CREB5: variants seen among roughly 807,000 people sequenced by gnomAD.
CREB5 encodes cAMP responsive element binding protein 5, also known as cyclic AMP-responsive element-binding protein 5.
CREB5 carries 19 observed loss-of-function variants against 57.1 expected under a neutral mutation model. The ratio of observed to expected loss-of-function variants is 0.33; its 90% confidence interval spans 0.23 to 0.49. The LOEUF (loss-of-function observed/expected upper bound fraction) is 0.49. Ranked by LOEUF, CREB5 falls within the 20% of genes least tolerant of loss-of-function variation. The pLI is 0.99. For missense variants in CREB5, 579 were observed against 671.6 expected (o/e 0.86, Z 1.52); for synonymous variants, 238 against 238.3 (o/e 1.00, Z 0.01).
At chr7:28,443,720 C>T (rs1789301263) in intron 1 of CREB5, among the ~76,000 whole-genome samples, 1 of 152,154 alleles carries the variant, frequency 6.6e-6, no homozygotes, top group African/African-American at 2.4e-5. Context: ...CCACTTAACC[C>T]CTCTCCTCCT....
At chr7:28,528,704 CAAAAAAAAAAA>C (rs778154325) in intron 4 of CREB5, among the ~76,000 whole-genome samples, 16 of 58,414 alleles carry the variant, frequency 2.7e-4, no homozygotes, top group East Asian at 5.0e-4. Flanking sequence ...AACTCCATCT[CAAAAAAAAAAA>C]AAAAAAAAAA....
intron 7 of CREB5, among the ~76,000 whole-genome samples, chr7:28,741,048 A>G (rs1804302119): frequency 6.7e-6 from 1 of 150,320 alleles, no homozygotes; most frequent in Non-Finnish European, 1.5e-5. Flanking sequence ...CTACTTGACT[A>G]AAGGTTGTTG....
Position 28,667,263 on chromosome 7 carries a change from A to T in CREB5, c.465-51490A>T, listed in dbSNP as rs117219974. ...ATCAAGGATACTATTTATTGGCATG[A>T]GTGTGTTCTTGTAAGCACTTACCCT... On this transcript the variant is annotated intron_variant, in intron 5 of 10. Coordinates refer to ENST00000357727, the MANE Select transcript of CREB5 (RefSeq NM_182898.4). Among the ~76,000 whole-genome samples the T allele has an allele frequency of 7.3e-3, 1,104 of 150,732 alleles. 5 individuals carry two copies. Among genetic ancestry groups the T allele is most frequent in the Middle Eastern group, 0.017 (5 of 294 alleles).
At chr7:28,603,620 A>C (rs1797008506) in intron 5 of CREB5, among the ~76,000 whole-genome samples, 1 of 152,216 alleles carries the variant, frequency 6.6e-6, no homozygotes, top group Non-Finnish European at 1.5e-5. Context: ...AGTGGCTGCT[A>C]ATGAGCAATG....
rs559512130 is a variant in CREB5 at position 28,792,423 on chromosome 7, A to G, written c.703-11776A>G. On this transcript the variant is annotated intron_variant, in intron 7 of 10. Transcript: ENST00000357727. ...GCTCAATATTTTCTAATACCTGATTATTACTGAAATTTTAACAATGTAGTT... is the reference window on the plus strand; with the variant it reads ...GCTCAATATTTTCTAATACCTGATTGTTACTGAAATTTTAACAATGTAGTT... Among the ~76,000 whole-genome samples, 202 of 152,314 alleles carry G rather than the reference A, an allele frequency of 1.3e-3. 3 individuals carry two copies. The highest frequency in any genetic ancestry group is 2.4e-3 in the Non-Finnish European group (163 of 68,032).
At position 28,819,388 on chromosome 7, in the gene CREB5, C is replaced by G; in HGVS notation, c.*109C>G. On this transcript the variant is annotated 3_prime_UTR_variant, in exon 11 of 11. Coordinates refer to ENST00000357727, the MANE Select transcript of CREB5 (RefSeq NM_182898.4). ...AGACCTGGAAGACTCCTCAGTTCTT[C>G]AAAGACTGGCTTTCATTTTTATAGT... 9.5e-7 allele frequency: 1 copy of G among 1,050,602 alleles called. No individual in the cohort carries two copies. Among genetic ancestry groups the G allele is most frequent in the Middle Eastern group, 2.7e-4 (1 of 3,698 alleles). The allele number at this position is 1,050,602 out of a possible 1,614,324, so 65.1% of individuals were successfully genotyped here.
intron 7 of CREB5, among the ~76,000 whole-genome samples, chr7:28,770,639 A>T (rs777692424): frequency 6.6e-6 from 1 of 152,228 alleles, no homozygotes; most frequent in Admixed American, 6.5e-5. Flanking sequence ...TGATCATGCT[A>T]TGAATTGATC....
chr7:28,560,972 G>GCA lies in CREB5; in HGVS notation c.292-9392_292-9391insAC, dbSNP rs1491396616. ...TGTGCGTGTGTGTGCGTGTGTGTGTGCGTGTGTGCGTGCGTGTGTGTGCCT... is the reference window on the plus strand; with the variant it reads ...TGTGCGTGTGTGTGCGTGTGTGTGTGCACGTGTGTGCGTGCGTGTGTGTGCCT... On this transcript the variant is annotated intron_variant, in intron 4 of 10. Transcript: ENST00000357727. 6.9e-3 allele frequency among the ~76,000 whole-genome samples: 484 copies of GCA among 69,974 alleles called. 75 individuals are homozygous for GCA. The highest frequency in any genetic ancestry group is 0.017 in the Middle Eastern group (2 of 120). 45.9% of individuals were successfully genotyped at this position (69,974 alleles called of 152,430 possible).
At chr7:28,672,824 G>T (rs1459054888) in intron 5 of CREB5, among the ~76,000 whole-genome samples, 1 of 152,224 alleles carries the variant, frequency 6.6e-6, no homozygotes, top group Non-Finnish European at 1.5e-5. Context: ...CCTGCAGAAT[G>T]AGGAAATTTG....
intron 7 of CREB5, among the ~76,000 whole-genome samples, chr7:28,783,972 G>A (rs1272844310): frequency 6.6e-6 from 1 of 152,178 alleles, no homozygotes; most frequent in African/African-American, 2.4e-5. Context: ...ACCCACCAAC[G>A]AGTGATAACA....
At chr7:28,743,215 G>A (rs1325097138) in intron 7 of CREB5, among the ~76,000 whole-genome samples, 1 of 152,194 alleles carries the variant, frequency 6.6e-6, no homozygotes, top group South Asian at 2.1e-4. Flanking sequence ...ACCCAGGGAA[G>A]TGGACATTAG....
chr7:28,588,129 T>G (rs1447079301), intron 5 of CREB5, among the ~76,000 whole-genome samples: 4 of 152,250 alleles, frequency 2.6e-5, no homozygotes, highest in African/African-American at 9.6e-5. Context: ...TGATCTGCAG[T>G]ACAGCATTCT....
intron 4 of CREB5, among the ~76,000 whole-genome samples, chr7:28,561,826 T>C (rs570343250): frequency 6.6e-6 from 1 of 152,322 alleles, no homozygotes; most frequent in East Asian, 1.9e-4. Context: ...TCATTGCAAC[T>C]TCTGCCTCCC....
At chr7:28,625,896 A>G (rs1332842582) in intron 5 of CREB5, among the ~76,000 whole-genome samples, 2 of 152,344 alleles carry the variant, frequency 1.3e-5, no homozygotes, top group East Asian at 1.9e-4. Flanking sequence ...TTATAATAGT[A>G]CATGCATTTT....
chr7:28,590,528 T>G (rs1583674476), intron 5 of CREB5, among the ~76,000 whole-genome samples: 1 of 71,942 alleles, frequency 1.4e-5, no homozygotes, highest in Non-Finnish European at 2.4e-5. Flanking sequence ...GGGCCTGTTG[T>G]GGGGTGGGGG....
At chr7:28,385,923 G>C (rs1273884273) in intron 1 of CREB5, among the ~76,000 whole-genome samples, 1 of 151,998 alleles carries the variant, frequency 6.6e-6, no homozygotes, top group Admixed American at 6.6e-5. Flanking sequence ...CATGGTCTCT[G>C]GCCTGCACTT....
chr7:28,476,730 C>T (rs777756698), intron 1 of CREB5, among the ~76,000 whole-genome samples: 7 of 152,146 alleles, frequency 4.6e-5, no homozygotes, highest in East Asian at 1.9e-4. Flanking sequence ...ATCCCACTTC[C>T]GAAAGAATTA....
At chr7:28,640,873 C>A (rs1326039311) in intron 5 of CREB5, among the ~76,000 whole-genome samples, 1 of 152,146 alleles carries the variant, frequency 6.6e-6, no homozygotes, top group Admixed American at 6.6e-5. Context: ...CAGCATGCCC[C>A]TGAGAAGGAG....
chr7:28,381,297 G>A (rs1786961630), intron 1 of CREB5, among the ~76,000 whole-genome samples: 1 of 152,166 alleles, frequency 6.6e-6, no homozygotes, highest in Non-Finnish European at 1.5e-5. Context: ...TATATTGAGT[G>A]CCTTCCTCAT....
Sources: allele counts gnomAD v4.1 joint callset (sites outside exome capture counted in the v4.1 genomes callset), GRCh38; gene constraint gnomAD v4.1.1; transcripts MANE v1.5; gene names NCBI Gene and HGNC (gene_info 2026-07-23, HGNC 2026-07-21).